DNAJC7: variants seen among roughly 807,000 people sequenced by gnomAD.
DNAJC7 encodes the protein dnaJ homolog subfamily C member 7.
DNAJC7 carries 18 observed loss-of-function variants against 67.4 expected under a neutral mutation model. The ratio of observed to expected loss-of-function variants is 0.27; its 90% CI spans 0.18 to 0.40. DNAJC7 has a LOEUF of 0.40. Among genes scored for constraint, DNAJC7 ranks in the 10% least tolerant of loss-of-function variants. The pLI is 1.00. For synonymous variants in DNAJC7, 220 were observed against 207.8 expected (o/e 1.06, Z -0.50); for missense variants, 419 against 613.8 (o/e 0.68, Z 3.35).
chr17:42,015,928 A>G (rs2052267392), intron 1 of DNAJC7: 1 of 152,204 alleles, frequency 6.6e-6, no homozygotes, highest in South Asian at 2.1e-4. Flanking sequence ...CTTTCCAAAT[A>G]CAAGTAAATC....
intron 9 of DNAJC7, chr17:41,987,596 G>C (rs548178277): frequency 2.1e-6 from 1 of 487,134 alleles, no homozygotes; most frequent in African/African-American, 2.0e-5. Context: ...CTTACTGACC[G>C]TGAGGGGCGT....
chr17:41,999,905 A>G (rs1225879862), intron 2 of DNAJC7, among the ~76,000 whole-genome samples: 1 of 146,654 alleles, frequency 6.8e-6, no homozygotes, highest in African/African-American at 2.6e-5. Context: ...TGCAACTTCT[A>G]CCTCCCGAGT....
intron 5 of DNAJC7, among the ~76,000 whole-genome samples, chr17:41,993,759 C>T (rs150915445): frequency 1.0e-3 from 155 of 151,324 alleles, no homozygotes; most frequent in Non-Finnish European, 1.7e-3. Flanking sequence ...AACTTTTGGC[C>T]GGGGAGGTGG....
In DNAJC7 at chr17:41,976,619, C is replaced by A; in HGVS notation, c.*114G>T. On this transcript the variant is annotated 3_prime_UTR_variant, in exon 14 of 14. Coordinates refer to ENST00000457167, the MANE Select transcript of DNAJC7 (RefSeq NM_003315.4). ...GACACAGGGCATCCAACTGAGAAAA[C>A]GAAACTGCTCTAAGCACACGGAGAC... 7.2e-7 allele frequency: 1 copy of A among 1,396,094 alleles called. No homozygotes were observed. Among genetic ancestry groups the A allele is most frequent in the Admixed American group, 2.5e-5 (1 of 39,660 alleles). The allele number at this position is 1,396,094 out of a possible 1,614,324, so 86.5% of individuals were successfully genotyped here.
At chr17:41,996,194 C>T in intron 4 of DNAJC7, 117 bp downstream of exon 4, 1 of 959,874 alleles carries the variant, frequency 1.0e-6, no homozygotes, top group Non-Finnish European at 1.6e-6. Flanking sequence ...CGCCTAAAGT[C>T]ACCCAGGTGT....
chr17:42,008,441 G>A (rs1173689214), intron 1 of DNAJC7, among the ~76,000 whole-genome samples: 5 of 149,992 alleles, frequency 3.3e-5, no homozygotes, highest in Admixed American at 6.6e-5. Flanking sequence ...ACGGAGTCTC[G>A]CTCTGTCACC....
chr17:41,982,124 G>A (rs543103346), intron 11 of DNAJC7, 117 bp from the exon 12 acceptor site: 1 of 1,546,094 alleles, frequency 6.5e-7, no homozygotes, highest in African/African-American at 1.4e-5. Flanking sequence ...AAAATTTGGA[G>A]GGTCCACAAG....
chr17:41,990,379 C>T lies in DNAJC7; in HGVS notation c.484G>A (p.Val162Ile). The T allele has an allele frequency of 6.2e-7, 1 of 1,605,244 alleles. No homozygotes were observed. The highest frequency in any genetic ancestry group is 8.5e-7 in the Non-Finnish European group (1 of 1,175,536). Residue 162 changes from valine (V) to isoleucine (I), a missense_variant, in exon 6 of 14, where the codon GTT becomes ATT. Val to Ile is a conservative substitution (Grantham distance 29). Coordinates refer to ENST00000457167, the MANE Select transcript of DNAJC7 (RefSeq NM_003315.4). ...DFEKRDFRKVVFCMDRALEFA... is the reference protein window; with the variant it reads ...DFEKRDFRKVIFCMDRALEFA... ...TCTAGGGCACGGTCCATGCAGAAAACAACCTGTAGGGAAGAAGAAAACAAA... is the reference window on the plus strand; with the variant it reads ...TCTAGGGCACGGTCCATGCAGAAAATAACCTGTAGGGAAGAAGAAAACAAA...
chr17:42,000,643 CTT>C lies in DNAJC7; in HGVS notation c.78-75_78-74del, dbSNP rs1555649395. The stretch of plus-strand genomic sequence containing the variant: ...ACCTCTGTAATCTTACAGGAGGAAT[CTT>C]TGGTCTAGAGCCCGCAGCACACTGA... On this transcript the variant is annotated intron_variant, in intron 1 of 13. Transcript: ENST00000457167. The C allele has an allele frequency of 7.4e-6, 9 of 1,223,598 alleles. No homozygotes were observed. In the African/African-American group the frequency reaches 7.6e-5, roughly 10 times the overall value. The allele number at this position is 1,223,598 out of a possible 1,614,324, so 75.8% of individuals were successfully genotyped here. A position where few individuals can be genotyped will look rare whatever the true frequency, so the allele number is the denominator to read the frequency against.
At chr17:42,002,401 TG>T (rs1470381595) in intron 1 of DNAJC7, among the ~76,000 whole-genome samples, 2 of 152,086 alleles carry the variant, frequency 1.3e-5, no homozygotes, top group African/African-American at 4.8e-5. Flanking sequence ...AGTGAAATAA[TG>T]TACAGGGCTG....
At chr17:41,984,069 G>A (rs1446947165) in intron 9 of DNAJC7, among the ~76,000 whole-genome samples, 2 of 152,192 alleles carry the variant, frequency 1.3e-5, no homozygotes, top group African/African-American at 4.8e-5. Flanking sequence ...TGCAGGACTA[G>A]CTACAATCCA....
chr17:42,017,383 C>G lies in DNAJC7; in HGVS notation c.34G>C (p.Ala12Pro), dbSNP rs2052334168. 6.2e-7 allele frequency: 1 copy of G among 1,610,376 alleles called. No homozygotes were observed. Among genetic ancestry groups the G allele is most frequent in the Non-Finnish European group, 8.5e-7 (1 of 1,179,874 alleles). ...TCGAGCAGCTCCGGCTCGGTCGCCGCCATTACCACATCGCACTCCGCGGCA... is the reference window on the plus strand; with the variant it reads ...TCGAGCAGCTCCGGCTCGGTCGCCGGCATTACCACATCGCACTCCGCGGCA... ...AAAAECDVVMAATEPELLDDQ... is the reference protein window; with the variant it reads ...AAAAECDVVMPATEPELLDDQ... The change falls in exon 1 of 14, where the codon GCG becomes CCG. Residue 12 changes from alanine (A) to proline (P), a missense_variant. Ala to Pro is a conservative substitution (Grantham distance 27). This residue lies in a region of DNAJC7 where 63 missense variants were observed against 54.0 expected (regional missense o/e 1.17). Transcript: ENST00000457167.
At chr17:42,009,022 C>T (rs932958012) in intron 1 of DNAJC7, among the ~76,000 whole-genome samples, 3 of 152,194 alleles carry the variant, frequency 2.0e-5, no homozygotes, top group Admixed American at 6.5e-5. Flanking sequence ...AGATATATGA[C>T]TTGGAATAAT....
In DNAJC7 at chr17:42,000,499, T is replaced by C. The variant is rs1183003365; in HGVS notation, c.149A>G (p.Tyr50Cys). The C allele has an allele frequency of 6.2e-7, 1 of 1,609,380 alleles. No homozygotes were observed. Among genetic ancestry groups the C allele is most frequent in the African/African-American group, 1.3e-5 (1 of 74,744 alleles). Residue 50 changes from tyrosine to cysteine, a missense_variant, in exon 2 of 14, where the codon TAT becomes TGT. Physicochemically the swap from Tyr to Cys is radical, Grantham distance 194. This residue lies in a region of DNAJC7 where 179 missense variants were observed against 249.7 expected (regional missense o/e 0.72). Transcript: ENST00000457167. ...AKKDYNEAYNYYTKAIDMCPK... is the reference protein window; with the variant it reads ...AKKDYNEAYNCYTKAIDMCPK... ...TTTCTCACCTATGGCTTTTGTATAATAATTATAAGCTTCATTGTAATCTTT... is the reference window on the plus strand; with the variant it reads ...TTTCTCACCTATGGCTTTTGTATAACAATTATAAGCTTCATTGTAATCTTT...
chr17:41,993,301 C>T (rs555094223), intron 5 of DNAJC7, among the ~76,000 whole-genome samples: 11 of 152,018 alleles, frequency 7.2e-5, no homozygotes, highest in South Asian at 4.2e-4. Context: ...CTACTAAAAA[C>T]ACAAAAAATT....
chr17:41,989,289 A>T, intron 7 of DNAJC7, 115 bp downstream of exon 7: 3 of 1,392,638 alleles, frequency 2.2e-6, no homozygotes, highest in Non-Finnish European at 1.9e-6. Context: ...GCATCCTTGC[A>T]AAGCAGGAGG....
intron 2 of DNAJC7, among the ~76,000 whole-genome samples, chr17:41,999,906 C>A (rs1361383750): frequency 6.7e-6 from 1 of 149,136 alleles, no homozygotes; most frequent in African/African-American, 2.5e-5. Flanking sequence ...GCAACTTCTA[C>A]CTCCCGAGTT....
chr17:41,997,458 G>A (rs931129299), intron 2 of DNAJC7, among the ~76,000 whole-genome samples: 6 of 151,752 alleles, frequency 4.0e-5, no homozygotes, highest in Non-Finnish European at 5.9e-5. Context: ...ATAGCTGGGC[G>A]TGGTGGTGGG....
At chr17:41,977,402 A>C in intron 12 of DNAJC7, 79 bp from the exon 13 acceptor site, 1 of 1,290,552 alleles carries the variant, frequency 7.7e-7, no homozygotes, top group Non-Finnish European at 1.1e-6. Context: ...GATGACACTG[A>C]GAACAGATCT....
Sources: gnomAD v4.1 joint callset for allele counts (sites outside exome capture counted in the v4.1 genomes callset) on GRCh38, gnomAD v4.1.1 for gene constraint, gnomAD v4.1.1 regional missense constraint, MANE v1.5 for transcripts, NCBI Gene and HGNC (gene_info 2026-07-23, HGNC 2026-07-21) for gene names.